ZNF440: variants seen among roughly 807,000 people sequenced by gnomAD.
ZNF440 encodes the protein zinc finger protein 440.
ZNF440 carries 47 observed loss-of-function variants against 49.7 expected under a neutral mutation model. The ratio of observed to expected loss-of-function variants is 0.95; its 90% CI spans 0.75 to 1.21. ZNF440 has a LOEUF of 1.21. Ranked by LOEUF, ZNF440 falls within the 50% of genes most tolerant of loss-of-function variation. ZNF440 has a pLI of 0.00. For missense variants in ZNF440, 703 were observed against 715.0 expected, an observed-to-expected ratio of 0.98 and a Z score of 0.19; for synonymous variants, 255 against 237.7, an observed-to-expected ratio of 1.07 and a Z score of -0.67.
At chr19:11,822,707 C>T (rs537890649) in intron 1 of ZNF440, among the ~76,000 whole-genome samples, 63 of 152,082 alleles carry the variant, frequency 4.1e-4, no homozygotes, top group South Asian at 1.9e-3. Context: ...ATTAGCCAAG[C>T]GTGGTGGTAC....
rs1062268 is a variant in ZNF440 at position 11,833,780 on chromosome 19, G to A, written c.*816G>A. 3.9e-5 allele frequency: 33 copies of A among 840,064 alleles called. No individual in the cohort carries two copies. The highest frequency in any genetic ancestry group is 5.6e-5 in the South Asian group (3 of 53,316). 52.0% of individuals were successfully genotyped at this position (840,064 alleles called of 1,614,324 possible). On this transcript the variant is annotated 3_prime_UTR_variant, in exon 4 of 4. Transcript: ENST00000304060. ...GTGGGAAAGCCTTCAGATCAGCCTC[G>A]CACCTTCAAATGCATGGAAGGACTC... is the stretch of plus-strand genomic sequence containing the variant.
intron 1 of ZNF440, among the ~76,000 whole-genome samples, chr19:11,818,803 T>C (rs1431674599): frequency 1.3e-5 from 2 of 152,148 alleles, no homozygotes; most frequent in Non-Finnish European, 2.9e-5. Flanking sequence ...GCTTCCAAAA[T>C]AGCTGAGATT....
At position 11,832,893 on chromosome 19, in the gene ZNF440, G is replaced by T; in HGVS notation, c.1717G>T (p.Val573Leu). ...GHTMERSPMH[V>L]RNVGNPSDLP... The stretch of plus-strand genomic sequence containing the variant: ...CACAATGGAGAGAAGCCCTATGCAT[G>T]TAAGGAATGTGGGAAACCCTTCGGA... The change falls in exon 4 of 4, where the codon GTA becomes TTA. Residue 573 changes from valine (V) to leucine (L), a missense_variant. Val to Leu is a conservative substitution (Grantham distance 32). Coordinates refer to ENST00000304060, the MANE Select transcript of ZNF440 (RefSeq NM_152357.3). 1 of 1,612,770 alleles carries T rather than the reference G, an allele frequency of 6.2e-7. No individual in the cohort carries two copies. Among genetic ancestry groups the T allele is most frequent in the African/African-American group, 1.3e-5 (1 of 74,936 alleles).
In ZNF440 at chr19:11,833,208, A is replaced by T. The variant is rs763396819; in HGVS notation, c.*244A>T. The T allele has an allele frequency of 9.4e-6, 10 of 1,064,502 alleles. No individual in the cohort carries two copies. Among genetic ancestry groups the T allele is most frequent in the Non-Finnish European group, 1.4e-5 (10 of 724,312 alleles). 65.9% of individuals were successfully genotyped at this position (1,064,502 alleles called of 1,614,324 possible). A position where few individuals can be genotyped will look rare whatever the true frequency, so the allele number is the denominator to read the frequency against. ...AGATCTGTCAAAAATCTTCGATTTC[A>T]TAAAAGGACACACACTGGAGAGAAA... On this transcript the variant is annotated 3_prime_UTR_variant, in exon 4 of 4. Transcript: ENST00000304060.
rs759427588 is a variant in ZNF440, at chr19:11,831,491, A to G, written c.315A>G (p.Ser105=). 28 of 1,613,906 alleles carry G rather than the reference A, an allele frequency of 1.7e-5. No individual in the cohort carries two copies. Among genetic ancestry groups the G allele is most frequent in the Non-Finnish European group, 2.2e-5 (26 of 1,179,902 alleles). ...AGAAAGCTTCTCCTGAAGTAAAATC[A>G]TGTGAAAGCTTTGTGTGTGGAGAAG... ...QEKKASPEVK[S]CESFVCGEVG... Residue 105 remains serine (S), a synonymous_variant, in exon 4 of 4, where the codon TCA becomes TCG. Coordinates refer to ENST00000304060, the MANE Select transcript of ZNF440 (RefSeq NM_152357.3).
chr19:11,829,978 C>T (rs1217806533), intron 1 of ZNF440: 3 of 350,080 alleles, frequency 8.6e-6, no homozygotes, highest in East Asian at 1.1e-4. Context: ...CAACATTAGC[C>T]AGGCATGGTG....
intron 1 of ZNF440, among the ~76,000 whole-genome samples, chr19:11,822,226 T>C (rs1478823947): frequency 6.6e-6 from 1 of 152,132 alleles, no homozygotes; most frequent in African/African-American, 2.4e-5. Flanking sequence ...AGAATGCAGT[T>C]GTGTAATAAA....
In ZNF440 at chr19:11,832,506, A is replaced by G. The variant is rs1040916399; in HGVS notation, c.1330A>G (p.Arg444Gly). 5 of 1,614,094 alleles carry G rather than the reference A, an allele frequency of 3.1e-6. No homozygotes were observed. Among genetic ancestry groups the G allele is most frequent in the Admixed American group, 1.7e-5 (1 of 60,016 alleles). Residue 444 changes from arginine (R) to glycine (G), a missense_variant, in exon 4 of 4, where the codon AGG becomes GGG. Transcript: ENST00000304060. ...RYVNNLQSHE[R>G]TQTHIRIHSG... ...TGTGAATAACCTTCAAAGTCATGAA[A>G]GGACACAAACACACATAAGAATACA...
chr19:11,831,575 A>G lies in ZNF440; in HGVS notation c.399A>G (p.Ala133=), dbSNP rs770071474. The G allele has an allele frequency of 2.5e-6, 4 of 1,614,192 alleles. No individual in the cohort carries two copies. Among genetic ancestry groups the G allele is most frequent in the Non-Finnish European group, 3.4e-6 (4 of 1,180,018 alleles). ...MNIRGDIGHK[A]YEYQEYGPKP... is the part of the protein sequence containing the mutation. ...TCAGAGGTGACATTGGACACAAGGC[A>G]TATGAGTATCAGGAATATGGACCAA... The change falls in exon 4 of 4, where the codon GCA becomes GCG. Residue 133 remains alanine (A), a synonymous_variant. Transcript: ENST00000304060.
At chr19:11,817,784 G>A (rs1320963815) in intron 1 of ZNF440, 1 of 152,138 alleles carries the variant, frequency 6.6e-6, no homozygotes, top group Non-Finnish European at 1.5e-5. Flanking sequence ...TAGGGATCTT[G>A]TCTATGTAAA....
intron 1 of ZNF440, among the ~76,000 whole-genome samples, chr19:11,821,722 C>A (rs902306804): frequency 6.6e-6 from 1 of 152,242 alleles, no homozygotes; most frequent in Non-Finnish European, 1.5e-5. Flanking sequence ...CCAGCCAGCA[C>A]GGCCCCTCTG....
chr19:11,829,371 G>A (rs1975905232), intron 1 of ZNF440, among the ~76,000 whole-genome samples: 1 of 150,742 alleles, frequency 6.6e-6, no homozygotes. Flanking sequence ...GTCCCTGGGG[G>A]TGTGGGATTT....
chr19:11,833,100 T>C lies in ZNF440; in HGVS notation c.*136T>C. 6.9e-7 allele frequency: 1 copy of C among 1,454,528 alleles called. No individual in the cohort carries two copies. Among genetic ancestry groups the C allele is most frequent in the Non-Finnish European group, 9.6e-7 (1 of 1,047,000 alleles). The allele number at this position is 1,454,528 out of a possible 1,614,324, so 90.1% of individuals were successfully genotyped here. On this transcript the variant is annotated 3_prime_UTR_variant, in exon 4 of 4. Coordinates refer to ENST00000304060, the MANE Select transcript of ZNF440 (RefSeq NM_152357.3). ...TGTAAGCAATGTGGGAAAGCCTTTG[T>C]TTCCTTCACTTCCTTTCGATATCAT...
intron 1 of ZNF440, among the ~76,000 whole-genome samples, chr19:11,815,294 A>ACACACACG (rs1975719320): frequency 6.7e-6 from 1 of 150,042 alleles, no homozygotes; most frequent in African/African-American, 2.5e-5. Context: ...TCACACACAC[A>ACACACACG]CACACACACA....
intron 1 of ZNF440, among the ~76,000 whole-genome samples, chr19:11,826,572 C>T (rs1307798418): frequency 6.6e-6 from 1 of 151,972 alleles, no homozygotes; most frequent in Non-Finnish European, 1.5e-5. Context: ...CTGTCTCCAG[C>T]ATTTGGAAGT....
chr19:11,823,639 AC>A (rs900522449), intron 1 of ZNF440, among the ~76,000 whole-genome samples: 6 of 152,052 alleles, frequency 3.9e-5, no homozygotes, highest in African/African-American at 1.4e-4. Flanking sequence ...CCTTCCTGAG[AC>A]TTTTTTGGAC....
intron 3 of ZNF440, among the ~76,000 whole-genome samples, chr19:11,831,133 A>T (rs1464348523): frequency 1.3e-5 from 2 of 152,252 alleles, no homozygotes; most frequent in African/African-American, 4.8e-5. Context: ...TTAGTATTTT[A>T]AAATAGTTTA....
chr19:11,814,514 T>C, intron 1 of ZNF440, 64 bp downstream of exon 1: 1 of 1,425,466 alleles, frequency 7.0e-7, no homozygotes, highest in Non-Finnish European at 9.2e-7. Flanking sequence ...CGGAACCGGC[T>C]GAGGCGGGAC....
chr19:11,828,385 A>G (rs1190513386), intron 1 of ZNF440, among the ~76,000 whole-genome samples: 1 of 152,048 alleles, frequency 6.6e-6, no homozygotes, highest in Non-Finnish European at 1.5e-5. Flanking sequence ...GAGTTCCACC[A>G]CGTTGGCCAG....
Sources: gnomAD v4.1 joint callset for allele counts (sites outside exome capture counted in the v4.1 genomes callset) on GRCh38, gnomAD v4.1.1 for gene constraint, MANE v1.5 for transcripts, NCBI Gene and HGNC (gene_info 2026-07-23, HGNC 2026-07-21) for gene names.